The following PRKCE variants were observed in gnomAD, a reference collection of about 807,000 sequenced individuals.
The protein encoded by PRKCE is protein kinase C epsilon type.
A neutral mutation model predicts 85.4 loss-of-function variants in PRKCE; 16 were observed. The ratio of observed to expected loss-of-function variants is 0.19; its 90% CI spans 0.13 to 0.28. The LOEUF is 0.28. PRKCE is among the 10% of genes least tolerant of loss of function. PRKCE has a pLI of 1.00. For synonymous variants in PRKCE, 388 were observed against 371.5 expected, an observed-to-expected ratio of 1.04 and a Z score of -0.51; for missense variants, 573 against 975.2, an observed-to-expected ratio of 0.59 and a Z score of 5.49.
intron 2 of PRKCE, among the ~76,000 whole-genome samples, chr2:45,889,871 T>G (rs1013682611): frequency 3.3e-5 from 5 of 152,230 alleles, no homozygotes; most frequent in Non-Finnish European, 5.9e-5. Flanking sequence ...GGGCTGCAAC[T>G]GCATGAGCCG....
chr2:45,716,751 C>T (rs1243868503), intron 1 of PRKCE, among the ~76,000 whole-genome samples: 2 of 145,856 alleles, frequency 1.4e-5, no homozygotes, highest in African/African-American at 5.2e-5. Flanking sequence ...AGGAACTTCC[C>T]GAGACTGCAG....
At chr2:45,816,806 C>G (rs1689084285) in intron 1 of PRKCE, among the ~76,000 whole-genome samples, 2 of 152,146 alleles carry the variant, frequency 1.3e-5, no homozygotes, top group Non-Finnish European at 1.5e-5. Flanking sequence ...TCCATCCTCC[C>G]TCCCCCTAAT....
intron 1 of PRKCE, among the ~76,000 whole-genome samples, chr2:45,691,737 G>T (rs566769397): frequency 6.6e-4 from 101 of 152,316 alleles, no homozygotes; most frequent in Non-Finnish European, 1.1e-3. Flanking sequence ...GAGGTCATTA[G>T]CTCAGTGGAA....
chr2:45,800,562 C>G (rs1360995974), intron 1 of PRKCE, among the ~76,000 whole-genome samples: 2 of 152,194 alleles, frequency 1.3e-5, no homozygotes, highest in East Asian at 3.9e-4. Flanking sequence ...GGGCAGCCTT[C>G]ACTCCTTACT....
intron 2 of PRKCE, among the ~76,000 whole-genome samples, chr2:45,944,635 C>T (rs555623323): frequency 7.4e-5 from 11 of 148,050 alleles, no homozygotes; most frequent in Admixed American, 6.1e-4. Context: ...ACTACAGGTG[C>T]GTGCCACCAT....
intron 2 of PRKCE, among the ~76,000 whole-genome samples, chr2:45,899,763 T>A (rs1696434792): frequency 6.6e-6 from 1 of 152,206 alleles, no homozygotes; most frequent in Admixed American, 6.5e-5. Flanking sequence ...CTGTAGGTAG[T>A]GCTGTGCAGA....
At chr2:46,063,767 A>C (rs1361987505) in intron 10 of PRKCE, among the ~76,000 whole-genome samples, 2 of 151,970 alleles carry the variant, frequency 1.3e-5, no homozygotes, top group African/African-American at 4.8e-5. Flanking sequence ...CTTACCAGCA[A>C]CTCCTTACCA....
intron 1 of PRKCE, among the ~76,000 whole-genome samples, chr2:45,753,615 C>T (rs555026589): frequency 3.1e-4 from 47 of 152,244 alleles, no homozygotes; most frequent in African/African-American, 1.1e-3. Flanking sequence ...TCTGTGTTTG[C>T]AGATCGGCTG....
chr2:45,948,580 A>G lies in PRKCE; in HGVS notation c.413-27849A>G, dbSNP rs148060088. On this transcript the variant is annotated intron_variant, in intron 2 of 14. Coordinates refer to ENST00000306156, the MANE Select transcript of PRKCE (RefSeq NM_005400.3). ...CTTGAGCCCAGGAGCTCGAGGCTGC[A>G]ATGAGCTATGCCAGCAGCACTGCAC... Among the ~76,000 whole-genome samples, 19 of 152,354 alleles carry G rather than the reference A, an allele frequency of 1.2e-4. No homozygotes were observed. In the East Asian group the frequency reaches 3.5e-3, roughly 28 times the overall value.
chr2:45,796,897 C>T (rs533575745), intron 1 of PRKCE, among the ~76,000 whole-genome samples: 1 of 152,286 alleles, frequency 6.6e-6, no homozygotes, highest in East Asian at 1.9e-4. Flanking sequence ...AGAGTATAGG[C>T]ACGAACCACC....
intron 2 of PRKCE, among the ~76,000 whole-genome samples, chr2:45,951,011 A>G (rs55795846): frequency 0.15 from 22,475 of 152,160 alleles, 1,927 homozygotes; most frequent in South Asian, 0.23. Flanking sequence ...GTCCTTGTAC[A>G]TCCCCAGTCA....
At position 46,031,632 on chromosome 2, in the gene PRKCE, G is replaced by GTGTGTGTGTGTGTT. The variant is rs1374517995; in HGVS notation, c.1437+21118_1437+21119insGTGTGTGTGTTTGT. On this transcript the variant is annotated intron_variant, in intron 10 of 14. Transcript: ENST00000306156. ...TGTGTGTGTGTGTGTGTGTGTGTGT[G>GTGTGTGTGTGTGTT]TGTAGAAAAAACCCACTTACCCAGA... Among the ~76,000 whole-genome samples, 112 of 130,036 alleles carry GTGTGTGTGTGTGTT rather than the reference G, an allele frequency of 8.6e-4. 1 individual carries two copies. The highest frequency in any genetic ancestry group is 5.8e-3 in the Admixed American group (75 of 12,916). 85.3% of individuals were successfully genotyped at this position (130,036 alleles called of 152,430 possible). A position where few individuals can be genotyped will look rare whatever the true frequency, so the allele number is the denominator to read the frequency against.
At chr2:45,832,066 C>T (rs1172144624) in intron 1 of PRKCE, among the ~76,000 whole-genome samples, 2 of 152,110 alleles carry the variant, frequency 1.3e-5, no homozygotes, top group Admixed American at 6.5e-5. Flanking sequence ...CTTTTTCTCA[C>T]AGGACATGGT....
Position 46,068,292 on chromosome 2 carries a change from C to T in PRKCE, c.1438-17916C>T, listed in dbSNP as rs2103698573. On this transcript the variant is annotated intron_variant, in intron 10 of 14. Coordinates refer to ENST00000306156, the MANE Select transcript of PRKCE (RefSeq NM_005400.3). The surrounding 1 kb of genome is among the most constrained non-coding windows in gnomAD (Gnocchi z 4.3). ...GTCCAGTAAAGGATTCAGAAAGAGACTTCAGGAGCTGCCCTGGGAAACAAG... is the reference window on the plus strand; with the variant it reads ...GTCCAGTAAAGGATTCAGAAAGAGATTTCAGGAGCTGCCCTGGGAAACAAG... 6.6e-6 allele frequency among the ~76,000 whole-genome samples: 1 copy of T among 152,312 alleles called. No homozygotes were observed. The highest frequency in any genetic ancestry group is 1.9e-4 in the East Asian group (1 of 5,192).
intron 10 of PRKCE, among the ~76,000 whole-genome samples, chr2:46,085,099 C>A (rs1243366798): frequency 1.3e-5 from 2 of 152,150 alleles, no homozygotes; most frequent in African/African-American, 4.8e-5. Context: ...CCTCACCTAG[C>A]AGCTTAGCAC....
At chr2:45,754,867 C>A (rs1447613946) in intron 1 of PRKCE, among the ~76,000 whole-genome samples, 2 of 152,332 alleles carry the variant, frequency 1.3e-5, no homozygotes, top group East Asian at 3.9e-4. Flanking sequence ...CTGCCAGCAT[C>A]AAGCTGGCTA....
At chr2:46,127,726 T>C (rs1674001198) in intron 11 of PRKCE, among the ~76,000 whole-genome samples, 1 of 152,228 alleles carries the variant, frequency 6.6e-6, no homozygotes, top group Admixed American at 6.5e-5. Flanking sequence ...GTCCTGGAAC[T>C]TGGGAGTTTG....
chr2:45,876,210 A>C (rs1416343023), intron 2 of PRKCE, among the ~76,000 whole-genome samples: 3 of 152,214 alleles, frequency 2.0e-5, no homozygotes, highest in Non-Finnish European at 4.4e-5. Flanking sequence ...GTTTTAAATG[A>C]AAATCTCGTC....
At chr2:45,801,974 C>T (rs929587122) in intron 1 of PRKCE, among the ~76,000 whole-genome samples, 2 of 151,964 alleles carry the variant, frequency 1.3e-5, no homozygotes, top group African/African-American at 4.8e-5. Context: ...CTAGGCCAGG[C>T]CCAGTGGCTC....
Sources: gnomAD v4.1 joint callset for allele counts (sites outside exome capture counted in the v4.1 genomes callset) on GRCh38, gnomAD v4.1.1 for gene constraint, Gnocchi (gnomAD v3.1) non-coding constraint, MANE v1.5 for transcripts, NCBI Gene and HGNC (gene_info 2026-07-23, HGNC 2026-07-21) for gene names.